Variants in PHIP observed in about 807,000 individuals in gnomAD.
PHIP encodes the protein PHIP subunit of CUL4-Ring ligase complex, also known as PH-interacting protein.
PHIP carries 54 observed loss-of-function variants against 236.8 expected under a neutral mutation model. That is an observed-to-expected ratio of 0.23 (90% confidence interval 0.18 to 0.29). PHIP has a LOEUF of 0.29. PHIP is among the 10% of genes least tolerant of loss of function. The pLI is 1.00. For synonymous variants in PHIP, 756 were observed against 718.9 expected, an observed-to-expected ratio of 1.05 and a Z score of -0.83; for missense variants, 1,370 against 2,190.8, an observed-to-expected ratio of 0.63 and a Z score of 7.48.
At chr6:78,957,039 T>G (rs765877473) in intron 32 of PHIP, 9 of 152,078 alleles carry the variant, frequency 5.9e-5, no homozygotes, top group Non-Finnish European at 1.2e-4. Context: ...CTAAAAAAAG[T>G]ATTTTTAAAC....
At chr6:78,987,295 T>C (rs1192006077) in intron 21 of PHIP, among the ~76,000 whole-genome samples, 1 of 152,122 alleles carries the variant, frequency 6.6e-6, no homozygotes, top group Non-Finnish European at 1.5e-5. Context: ...CCCACATGTA[T>C]TTTATGTTTT....
At position 78,963,102 on chromosome 6, in the gene PHIP, G is replaced by T; in HGVS notation, c.3530C>A (p.Thr1177Lys). The T allele has an allele frequency of 6.3e-7, 1 of 1,595,066 alleles. No individual in the cohort carries two copies. The highest frequency in any genetic ancestry group is 2.3e-5 in the East Asian group (1 of 43,904). The change falls in exon 30 of 40, where the codon ACA (threonine) becomes AAA (lysine). Residue 1177 changes from threonine to lysine, a missense_variant. Around this residue, in one of 14 missense-constraint regions of PHIP, gnomAD observed 238 missense variants for 398.5 expected, o/e 0.60. Transcript: ENST00000275034. ...RIVAGINQLM[T>K]LDIASAFVAP... ...TCGCGTGTTGCTTTACTTACCTAGT[G>T]TCATCAACTGGTTTATTCCTGCCAC... is the stretch of plus-strand genomic sequence containing the variant.
chr6:78,952,085 C>T (rs1284776869), intron 35 of PHIP, among the ~76,000 whole-genome samples: 1 of 151,948 alleles, frequency 6.6e-6, no homozygotes, highest in Admixed American at 6.6e-5. Context: ...TTGTATATCC[C>T]GATCAGGAAT....
rs145885222 is a variant in PHIP, at chr6:78,958,248, C to T, written c.3782+227G>A. 647 of 358,988 alleles carry T rather than the reference C, an allele frequency of 1.8e-3. 2 individuals are homozygous for T. Among genetic ancestry groups the T allele is most frequent in the Non-Finnish European group, 2.7e-3 (543 of 200,184 alleles). 22.2% of individuals were successfully genotyped at this position (358,988 alleles called of 1,614,324 possible). Reference sequence around the variant, plus strand: ...TTAACCTTAAAACACAATGGTAATACGATTTTTATGATTTCATTCTTATTA... The same window carrying T: ...TTAACCTTAAAACACAATGGTAATATGATTTTTATGATTTCATTCTTATTA... On this transcript the variant is annotated intron_variant, in intron 32 of 39. Transcript: ENST00000275034.
At chr6:79,072,284 G>A (rs533701171) in intron 4 of PHIP, among the ~76,000 whole-genome samples, 1 of 152,276 alleles carries the variant, frequency 6.6e-6, no homozygotes, top group Admixed American at 6.5e-5. Context: ...TTCAGGATAT[G>A]TCAACCACCC....
At position 78,958,549 on chromosome 6, in the gene PHIP, T is replaced by C; in HGVS notation, c.3708A>G (p.Arg1236=). Residue 1236 remains arginine (R), a synonymous_variant, in exon 32 of 40, where the codon CGA becomes CGG. Transcript: ENST00000275034. ...WEVRYIEHNT[R]TFNEPGSPIV... is the part of the protein sequence containing the mutation. ...TAGGGCTTCCAGGCTCATTAAATGTTCGTGTATTATGCTCTATATATCGAA... is the reference window on the plus strand; with the variant it reads ...TAGGGCTTCCAGGCTCATTAAATGTCCGTGTATTATGCTCTATATATCGAA... 6.3e-7 allele frequency: 1 copy of C among 1,580,674 alleles called. No individual in the cohort carries two copies. Among genetic ancestry groups the C allele is most frequent in the Non-Finnish European group, 8.7e-7 (1 of 1,150,024 alleles).
chr6:78,949,170 T>C (rs1773996849), intron 35 of PHIP, among the ~76,000 whole-genome samples: 1 of 152,186 alleles, frequency 6.6e-6, no homozygotes, highest in Non-Finnish European at 1.5e-5. Context: ...TTTCCTTTGT[T>C]CCCGGTTTTC....
chr6:79,036,013 A>G (rs1200559543), intron 7 of PHIP, among the ~76,000 whole-genome samples: 1 of 152,194 alleles, frequency 6.6e-6, no homozygotes, highest in Non-Finnish European at 1.5e-5. Context: ...CAGGATGCCA[A>G]GAAACATTAC....
rs528912109 is a variant in PHIP at position 78,997,835 on chromosome 6, G to T, written c.2018-238C>A. ...TAACTATAGACTATTAAGCCCCAAG[G>T]ATACAAAATCATTACTTTAAAAAAA... On this transcript the variant is annotated intron_variant, in intron 18 of 39. Transcript: ENST00000275034. 3.3e-5 allele frequency among the ~76,000 whole-genome samples: 5 copies of T among 152,076 alleles called. No homozygotes were observed. In the South Asian group the frequency reaches 1.0e-3, roughly 32 times the overall value.
rs1273706042 is a variant in PHIP at position 78,939,449 on chromosome 6, T to C, written c.*1244A>G. ...AAGTGATTTGGCCTATTTTAACCTTTAATAATTGAAAATAACCAATTTCCC... is the reference window on the plus strand; with the variant it reads ...AAGTGATTTGGCCTATTTTAACCTTCAATAATTGAAAATAACCAATTTCCC... On this transcript the variant is annotated 3_prime_UTR_variant, in exon 40 of 40. Coordinates refer to ENST00000275034, the MANE Select transcript of PHIP (RefSeq NM_017934.7). 6.6e-6 allele frequency: 1 copy of C among 151,902 alleles called. No individual in the cohort carries two copies. Among genetic ancestry groups the C allele is most frequent in the Admixed American group, 6.6e-5 (1 of 15,254 alleles). The allele number at this position is 151,902 out of a possible 1,614,324, so 9.4% of individuals were successfully genotyped here.
chr6:78,955,587 G>T (rs1766366335), intron 33 of PHIP, 26 bp downstream of exon 33: 2 of 728,512 alleles, frequency 2.7e-6, no homozygotes, highest in African/African-American at 1.8e-5. Flanking sequence ...ATATCAATAT[G>T]GTAATAATAA....
chr6:78,958,220 A>T, intron 32 of PHIP: 1 of 290,452 alleles, frequency 3.4e-6, no homozygotes, highest in Non-Finnish European at 6.3e-6. Flanking sequence ...TTTTTAAACA[A>T]TTTTAACCTT....
In PHIP at chr6:79,072,341, G is replaced by A. The variant is rs758671986; in HGVS notation, c.189+5107C>T. Among the ~76,000 whole-genome samples the A allele has an allele frequency of 2.0e-5, 3 of 152,292 alleles. No homozygotes were observed. In the South Asian group the frequency reaches 6.2e-4, roughly 32 times the overall value. On this transcript the variant is annotated intron_variant, in intron 4 of 39. Transcript: ENST00000275034. ...TGTTCCATAAAAACAAGTCACAGTA[G>A]AAATCAGTAGCACAATTTTTCCAGA...
intron 6 of PHIP, among the ~76,000 whole-genome samples, chr6:79,049,788 ACCCT>A (rs1373204371): frequency 1.3e-5 from 2 of 152,052 alleles, no homozygotes; most frequent in Non-Finnish European, 2.9e-5. Context: ...TATAAAAATG[ACCCT>A]CCAAGTTCAT....
At position 78,940,903 on chromosome 6, in the gene PHIP, C is replaced by T; in HGVS notation, c.5256G>A (p.Glu1752=). ...NRKKIDDPID[E]EEEFEELKGS... The stretch of plus-strand genomic sequence containing the variant: ...CTTTGAGTTCTTCAAACTCTTCTTC[C>T]TCATCTATAGGATCATCTATCTTTT... Residue 1752 remains glutamate (E), a synonymous_variant, in exon 40 of 40, where the codon GAG becomes GAA. Coordinates refer to ENST00000275034, the MANE Select transcript of PHIP (RefSeq NM_017934.7). The T allele has an allele frequency of 6.2e-7, 1 of 1,613,796 alleles. No individual in the cohort carries two copies. Among genetic ancestry groups the T allele is most frequent in the Non-Finnish European group, 8.5e-7 (1 of 1,179,798 alleles).
chr6:79,000,965 T>C (rs1164022508), intron 17 of PHIP, among the ~76,000 whole-genome samples: 2 of 152,092 alleles, frequency 1.3e-5, no homozygotes, highest in Non-Finnish European at 2.9e-5. Context: ...TATTGCAACT[T>C]CATGCTAAAT....
chr6:78,957,030 TAAAA>T (rs70977754), intron 32 of PHIP: 1 of 151,996 alleles, frequency 6.6e-6, no homozygotes, highest in Non-Finnish European at 1.5e-5. Context: ...GACTATCTGC[TAAAA>T]AAAGTATTTT....
In PHIP at chr6:78,940,548, G is replaced by GTTT. The variant is rs36155238; in HGVS notation, c.*142_*144dup. 0.016 allele frequency: 1,302 copies of GTTT among 82,690 alleles called. 293 individuals carry two copies. Among genetic ancestry groups the GTTT allele is most frequent in the African/African-American group, 0.033 (590 of 17,660 alleles). 5.1% of individuals were successfully genotyped at this position (82,690 alleles called of 1,614,324 possible). ...AAGAAGTGAAGTGTCTCGTAAGTTT[G>GTTT]TTTTTTTTTTTTTTTTTTTTTTTGC... On this transcript the variant is annotated 3_prime_UTR_variant, in exon 40 of 40. Transcript: ENST00000275034.
intron 4 of PHIP, among the ~76,000 whole-genome samples, chr6:79,062,889 C>T (rs891451928): frequency 1.3e-4 from 20 of 152,228 alleles, no homozygotes; most frequent in Non-Finnish European, 2.5e-4. Flanking sequence ...ATGTCTCACT[C>T]ACTGCCTTCC....
Sources: gnomAD v4.1 joint callset for allele counts (sites outside exome capture counted in the v4.1 genomes callset) on GRCh38, gnomAD v4.1.1 for gene constraint, gnomAD v4.1.1 regional missense constraint, MANE v1.5 for transcripts, NCBI Gene and HGNC (gene_info 2026-07-23, HGNC 2026-07-21) for gene names.